The following ADAMTS18 variants were observed in gnomAD, a reference collection of about 807,000 sequenced individuals.
ADAMTS18 encodes A disintegrin and metalloproteinase with thrombospondin motifs 18.
In ADAMTS18, 157 loss-of-function variants were observed where a neutral mutation model predicts 165.9. The observed-to-expected ratio is 0.95, with a 90% CI of 0.83 to 1.08. ADAMTS18 has a LOEUF of 1.08. ADAMTS18 is among the 50% of genes least tolerant of loss of function. ADAMTS18 has a pLI of 0.00. For missense variants in ADAMTS18, 2,040 were observed against 1,534.0 expected (o/e 1.33, Z -5.51); for synonymous variants, 782 against 578.2 (o/e 1.35, Z -5.06).
chr16:77,393,562 G>T (rs113180018), intron 3 of ADAMTS18, among the ~76,000 whole-genome samples: 6 of 152,248 alleles, frequency 3.9e-5, no homozygotes, highest in African/African-American at 1.4e-4. Context: ...GGAAAGATGA[G>T]TGCCCTTATA....
intron 3 of ADAMTS18, among the ~76,000 whole-genome samples, chr16:77,402,382 G>C (rs1419034644): frequency 2.6e-5 from 4 of 152,152 alleles, no homozygotes; most frequent in Admixed American, 2.0e-4. Flanking sequence ...GGCCAGCAAT[G>C]TCTGTTATCC....
intron 3 of ADAMTS18, among the ~76,000 whole-genome samples, chr16:77,401,731 G>A (rs1055926414): frequency 5.9e-5 from 9 of 152,212 alleles, no homozygotes; most frequent in African/African-American, 2.2e-4. Flanking sequence ...CACCCTCACT[G>A]ACACAGAGAA....
chr16:77,291,022 A>AG, intron 21 of ADAMTS18: 3 of 559,244 alleles, frequency 5.4e-6, no homozygotes, highest in Non-Finnish European at 9.6e-6. Context: ...TTTTACATAC[A>AG]TTTTCTGATG....
At chr16:77,374,786 T>C (rs2056925481) in intron 3 of ADAMTS18, among the ~76,000 whole-genome samples, 1 of 152,188 alleles carries the variant, frequency 6.6e-6, no homozygotes, top group Non-Finnish European at 1.5e-5. Context: ...GGGCATCCTA[T>C]ATTGAGACAA....
chr16:77,405,880 T>C (rs556553575), intron 3 of ADAMTS18, among the ~76,000 whole-genome samples: 12 of 152,226 alleles, frequency 7.9e-5, no homozygotes, highest in Admixed American at 5.2e-4. Context: ...TAACCTTCAC[T>C]ACACTCTCAC....
chr16:77,341,756 C>T lies in ADAMTS18; in HGVS notation c.1658G>A (p.Cys553Tyr). Residue 553 changes from cysteine to tyrosine, a missense_variant, in exon 11 of 23, where the codon TGT (cysteine) becomes TAT (tyrosine). By Grantham distance (194) the Cys-to-Tyr change is radical. Transcript: ENST00000282849. Reference protein sequence around the residue: ...SLWCHRVGHRCETKFMPAAEG... With the variant: ...SLWCHRVGHRYETKFMPAAEG... ...TGCTGCGGGCATAAACTTGGTCTCA[C>T]ACCTGTGGCCTACTCGGTGGCACCA... 6.2e-7 allele frequency: 1 copy of T among 1,613,688 alleles called. No individual in the cohort carries two copies. Among genetic ancestry groups the T allele is most frequent in the Non-Finnish European group, 8.5e-7 (1 of 1,179,848 alleles).
chr16:77,307,961 G>C (rs1446951411), intron 16 of ADAMTS18, among the ~76,000 whole-genome samples: 1 of 152,022 alleles, frequency 6.6e-6, no homozygotes, highest in Non-Finnish European at 1.5e-5. Context: ...CATCTCCTTT[G>C]GCCAAAGAGT....
chr16:77,330,635 C>G (rs547304515), intron 12 of ADAMTS18, among the ~76,000 whole-genome samples: 2 of 152,132 alleles, frequency 1.3e-5, no homozygotes, highest in Non-Finnish European at 2.9e-5. Context: ...ACAGGGCTTC[C>G]GTCAGTTAAA....
chr16:77,284,047 A>T lies in ADAMTS18; in HGVS notation c.3575T>A (p.Phe1192Tyr). The T allele has an allele frequency of 6.2e-7, 1 of 1,613,552 alleles. No individual in the cohort carries two copies. ...KREDPSCVDF[F>Y]NWCHLVPQHG... Reference sequence around the variant, plus strand: ...CTGAGGAACTAGGTGACACCAGTTGAAGAAATCTACGCAGGATGGATCCTC... The same window carrying T: ...CTGAGGAACTAGGTGACACCAGTTGTAGAAATCTACGCAGGATGGATCCTC... Residue 1192 changes from phenylalanine (F) to tyrosine (Y), a missense_variant, in exon 23 of 23, where the codon TTC becomes TAC. Phe to Tyr is a conservative substitution (Grantham distance 22). Transcript: ENST00000282849.
In ADAMTS18 at chr16:77,286,786, G is replaced by C. The variant is rs143238807; in HGVS notation, c.3550+2478C>G. ...TGCAGCCCAGGTAGCTTCCAGACAC[G>C]TAAACACCCAGTTTCAATGCAGTGT... On this transcript the variant is annotated intron_variant, in intron 22 of 22. Transcript: ENST00000282849. Among the ~76,000 whole-genome samples, 4 of 152,220 alleles carry C rather than the reference G, an allele frequency of 2.6e-5. No homozygotes were observed. In the East Asian group the frequency reaches 7.8e-4, roughly 29 times the overall value.
At chr16:77,418,964 C>T (rs762478042) in intron 3 of ADAMTS18, among the ~76,000 whole-genome samples, 4 of 152,148 alleles carry the variant, frequency 2.6e-5, no homozygotes, top group Admixed American at 6.5e-5. Flanking sequence ...GCCTGGCCAA[C>T]GTGGTGAAAC....
chr16:77,356,972 A>G (rs1299483601), intron 8 of ADAMTS18, among the ~76,000 whole-genome samples: 1 of 146,502 alleles, frequency 6.8e-6, no homozygotes, highest in Non-Finnish European at 1.5e-5. Context: ...CACAGAGAAA[A>G]GTCTTTTCTG....
chr16:77,365,772 C>T (rs1222896289), intron 4 of ADAMTS18, among the ~76,000 whole-genome samples: 2 of 152,066 alleles, frequency 1.3e-5, no homozygotes, highest in South Asian at 2.1e-4. Context: ...CTGGTCCAGC[C>T]GTAATAGTGA....
At chr16:77,348,203 T>A (rs952542249) in intron 10 of ADAMTS18, among the ~76,000 whole-genome samples, 5 of 152,094 alleles carry the variant, frequency 3.3e-5, no homozygotes, top group African/African-American at 9.7e-5. Flanking sequence ...GGGGGGACAA[T>A]AAATAATGTT....
chr16:77,412,902 G>GC (rs1422253467), intron 3 of ADAMTS18, among the ~76,000 whole-genome samples: 1 of 152,004 alleles, frequency 6.6e-6, no homozygotes, highest in Non-Finnish European at 1.5e-5. Flanking sequence ...TCACTATGTT[G>GC]CCCAGGCTGG....
At chr16:77,372,661 T>A (rs1442638241) in intron 3 of ADAMTS18, among the ~76,000 whole-genome samples, 2 of 152,148 alleles carry the variant, frequency 1.3e-5, no homozygotes, top group Non-Finnish European at 2.9e-5. Flanking sequence ...GACAAGAGAA[T>A]CAATAGGCAA....
intron 3 of ADAMTS18, among the ~76,000 whole-genome samples, chr16:77,368,978 A>C (rs2056838662): frequency 6.6e-6 from 1 of 152,212 alleles, no homozygotes; most frequent in Non-Finnish European, 1.5e-5. Context: ...TCTTTCTTTC[A>C]GCAAATGTTG....
chr16:77,422,206 G>A (rs1023150226), intron 3 of ADAMTS18, among the ~76,000 whole-genome samples: 3 of 152,062 alleles, frequency 2.0e-5, no homozygotes, highest in African/African-American at 4.8e-5. Flanking sequence ...CAAATTTAAT[G>A]TGGTCCACTG....
intron 8 of ADAMTS18, among the ~76,000 whole-genome samples, chr16:77,358,483 A>G (rs1163139456): frequency 6.6e-6 from 1 of 151,930 alleles, no homozygotes; most frequent in Admixed American, 6.6e-5. Flanking sequence ...AATCACTTGA[A>G]CCCGGGAGGC....
Sources: allele counts gnomAD v4.1 joint callset (sites outside exome capture counted in the v4.1 genomes callset), GRCh38; gene constraint gnomAD v4.1.1; transcripts MANE v1.5; gene names NCBI Gene and HGNC (gene_info 2026-07-23, HGNC 2026-07-21).